The following ENKUR variants were observed in gnomAD, a reference collection of about 807,000 sequenced individuals.
ENKUR encodes the protein enkurin, TRPC channel interacting protein.
In ENKUR, 19 loss-of-function variants were observed where a neutral mutation model predicts 27.6. The observed-to-expected ratio is 0.69, with a 90% confidence interval of 0.48 to 1.01. The LOEUF (loss-of-function observed/expected upper bound fraction) is 1.01, where lower values mean the gene tolerates loss of function less well. ENKUR is among the 50% of genes least tolerant of loss of function. The pLI, the probability that ENKUR is intolerant of heterozygous loss-of-function variation, is 0.00. For synonymous variants in ENKUR, 117 were observed against 96.9 expected (o/e 1.21, Z -1.22); for missense variants, 312 against 310.5 (o/e 1.00, Z -0.04).
intron 2 of ENKUR, among the ~76,000 whole-genome samples, chr10:25,030,080 G>A (rs1259499367): frequency 6.6e-6 from 1 of 152,236 alleles, no homozygotes; most frequent in East Asian, 1.9e-4. Context: ...CCCCTCTTGA[G>A]TGCCTTTCCT....
chr10:25,029,346 A>C lies in ENKUR; in HGVS notation c.37+31766T>G, dbSNP rs1185023776. On this transcript the variant is annotated intron_variant, in intron 2 of 5. Coordinates refer to the ENKUR transcript ENST00000615958. ...GGAATTTGTAAGATATTTGAGAAAA[A>C]TGAGATTTTTAAGTTACATATTTAT... is the stretch of plus-strand genomic sequence containing the variant. 2.0e-5 allele frequency among the ~76,000 whole-genome samples: 3 copies of C among 152,296 alleles called. No individual in the cohort carries two copies. In the East Asian group the frequency reaches 5.8e-4, roughly 29 times the overall value.
intron 2 of ENKUR, chr10:25,024,903 T>G (rs766950827): frequency 6.2e-7 from 1 of 1,613,844 alleles, no homozygotes; most frequent in East Asian, 2.2e-5. Context: ...CACAAACCTT[T>G]TCACCGTCAA....
At chr10:25,004,698 C>A (rs12250135) in intron 1 of ENKUR, among the ~76,000 whole-genome samples, 2 of 152,074 alleles carry the variant, frequency 1.3e-5, no homozygotes, top group Admixed American at 1.3e-4. Context: ...CAAAAATTTT[C>A]TCCCATTCTG....
rs141626220 is a variant in ENKUR, at chr10:25,004,295, T to C, written c.78-4749A>G. Among the ~76,000 whole-genome samples, 884 of 152,334 alleles carry C rather than the reference T, an allele frequency of 5.8e-3. 6 individuals are homozygous for C. Among genetic ancestry groups the C allele is most frequent in the Middle Eastern group, 0.02 (6 of 294 alleles). On this transcript the variant is annotated intron_variant, in intron 1 of 5. Coordinates refer to ENST00000331161, the MANE Select transcript of ENKUR (RefSeq NM_145010.4). ...TCTATTCCTTTGGGTATATATCCAG[T>C]TATGGGATTGCTGGGTTGAATGGTA...
Position 24,984,873 on chromosome 10 carries a change from T to A in ENKUR, c.627A>T (p.Lys209Asn). 1 of 1,613,518 alleles carries A rather than the reference T, an allele frequency of 6.2e-7. No individual in the cohort carries two copies. The highest frequency in any genetic ancestry group is 8.5e-7 in the Non-Finnish European group (1 of 1,179,834). Residue 209 changes from lysine to asparagine, a missense_variant, in exon 5 of 6, where the codon AAA (lysine) becomes AAT (asparagine). Coordinates refer to ENST00000331161, the MANE Select transcript of ENKUR (RefSeq NM_145010.4). ...GLKKNWEEVH[K>N]EFQSLSVFID... ...TAAAGACCGAGAGGGACTGGAATTC[T>A]TTATGCACCTCTTCCCAGTTCTTTT...
chr10:24,999,313 G>T, intron 2 of ENKUR, 88 bp downstream of exon 2: 2 of 1,285,984 alleles, frequency 1.6e-6, no homozygotes, highest in Non-Finnish European at 1.1e-6. Context: ...TATCACCTGT[G>T]CATGTTTAAT....
chr10:25,061,191 GA>G (rs1851322576), exon 2 of ENKUR: 1 of 1,529,884 alleles, frequency 6.5e-7, no homozygotes, highest in Non-Finnish European at 8.8e-7. Flanking sequence ...ATAGGTGTTG[GA>G]CACGTGTGGC....
rs1491369577 is a variant in ENKUR, at chr10:25,003,172, TAA to T, written c.78-3628_78-3627del. On this transcript the variant is annotated intron_variant, in intron 1 of 5. Coordinates refer to ENST00000331161, the MANE Select transcript of ENKUR (RefSeq NM_145010.4). ...TTCAGTGTTTCTTTAATTAATTAAT[TAA>T]TTAATTAATTTATTTATTTATTCAT... 7.2e-4 allele frequency among the ~76,000 whole-genome samples: 108 copies of T among 150,038 alleles called. 1 individual carries two copies. Among genetic ancestry groups the T allele is most frequent in the South Asian group, 1.5e-3 (7 of 4,780 alleles).
At chr10:24,995,479 C>T (rs935952223) in intron 3 of ENKUR, among the ~76,000 whole-genome samples, 167 bp downstream of exon 3, 5 of 152,218 alleles carry the variant, frequency 3.3e-5, no homozygotes, top group Non-Finnish European at 2.9e-5. Context: ...TTTGTAACTT[C>T]ATCCCATTAC....
intron 1 of ENKUR, among the ~76,000 whole-genome samples, chr10:24,999,881 G>A (rs1179060983): frequency 6.6e-6 from 1 of 152,096 alleles, no homozygotes; most frequent in Non-Finnish European, 1.5e-5. Context: ...AGTCTGGCTA[G>A]GGGTCTATTA....
chr10:24,999,864 G>T (rs1263130870), intron 1 of ENKUR, among the ~76,000 whole-genome samples: 1 of 152,128 alleles, frequency 6.6e-6, no homozygotes, highest in Non-Finnish European at 1.5e-5. Context: ...GTCTTTCTCT[G>T]CTGATCAGTC....
At chr10:24,985,783 T>C (rs1315461535) in intron 4 of ENKUR, among the ~76,000 whole-genome samples, 1 of 152,244 alleles carries the variant, frequency 6.6e-6, no homozygotes, top group South Asian at 2.1e-4. Flanking sequence ...GGCACATAGA[T>C]TATTTTATTT....
At chr10:25,034,244 G>T (rs1381856226) in intron 2 of ENKUR, among the ~76,000 whole-genome samples, 1 of 151,962 alleles carries the variant, frequency 6.6e-6, no homozygotes, top group Non-Finnish European at 1.5e-5. Flanking sequence ...CTTTTTCAGA[G>T]AGCCACTTCC....
At chr10:25,025,528 C>G in intron 2 of ENKUR, 1 of 1,399,490 alleles carries the variant, frequency 7.1e-7, no homozygotes, top group African/African-American at 1.5e-5. Flanking sequence ...ATTTGGAGTA[C>G]AGTAGCATTT....
chr10:25,017,269 C>G (rs550570530), upstream of ENKUR, among the ~76,000 whole-genome samples: 1 of 152,282 alleles, frequency 6.6e-6, no homozygotes, highest in Non-Finnish European at 1.5e-5. Flanking sequence ...TTTTGTTCCA[C>G]CTGGTCACCC....
In ENKUR at chr10:24,984,713, ATACTT is replaced by A. The variant is rs1251970574; in HGVS notation, c.764+18_764+22del. 4 of 1,574,968 alleles carry A rather than the reference ATACTT, an allele frequency of 2.5e-6. No individual in the cohort carries two copies. In the African/African-American group the frequency reaches 5.5e-5, roughly 22 times the overall value. On this transcript the variant is annotated intron_variant, in intron 5 of 5. Coordinates refer to ENST00000331161, the MANE Select transcript of ENKUR (RefSeq NM_145010.4). Reference sequence around the variant, plus strand: ...TTTTTTCCCCTACATTGAAATTGTTATACTTTAAAGATCCATTCTTACTTATTGGC... The same window carrying A: ...TTTTTTCCCCTACATTGAAATTGTTATAAAGATCCATTCTTACTTATTGGC...
At chr10:25,061,283 A>T in exon 2 of ENKUR, 1 of 756,806 alleles carries the variant, frequency 1.3e-6, no homozygotes, top group African/African-American at 1.7e-5. Flanking sequence ...TGGAAAATCA[A>T]CTTTATCCCA....
At position 25,015,866 on chromosome 10, in the gene ENKUR, G is replaced by T; in HGVS notation, c.71C>A (p.Pro24His). The change falls in exon 1 of 6, where the codon CCT (proline) becomes CAT (histidine). Residue 24 changes from proline to histidine, a missense_variant. Coordinates refer to ENST00000331161, the MANE Select transcript of ENKUR (RefSeq NM_145010.4). ...TCTTTGCTTATCCACATACCTAGGAGGCTGGGGAGGCTCCTTCAAGTCACT... is the reference window on the plus strand; with the variant it reads ...TCTTTGCTTATCCACATACCTAGGATGCTGGGGAGGCTCCTTCAAGTCACT... Reference protein sequence around the residue: ...IPSDLKEPPQPPRYISIFKAT... With the variant: ...IPSDLKEPPQHPRYISIFKAT... 6.2e-7 allele frequency: 1 copy of T among 1,605,542 alleles called. No individual in the cohort carries two copies. Among genetic ancestry groups the T allele is most frequent in the Non-Finnish European group, 8.5e-7 (1 of 1,175,744 alleles).
chr10:24,989,236 C>A (rs1849872045), intron 4 of ENKUR, among the ~76,000 whole-genome samples: 1 of 152,154 alleles, frequency 6.6e-6, no homozygotes, highest in South Asian at 2.1e-4. Context: ...AAATGACATG[C>A]CAATTCTCAC....
Sources: gnomAD v4.1 joint callset for allele counts (sites outside exome capture counted in the v4.1 genomes callset) on GRCh38, gnomAD v4.1.1 for gene constraint, MANE v1.5 for transcripts, NCBI Gene and HGNC (gene_info 2026-07-23, HGNC 2026-07-21) for gene names.